The following ADCY6 variants were observed in gnomAD, a reference collection of about 807,000 sequenced individuals.
The protein encoded by ADCY6 is adenylate cyclase type 6.
ADCY6 carries 59 observed loss-of-function variants against 111.6 expected under a neutral mutation model. That is an observed-to-expected ratio of 0.53 (90% CI 0.43 to 0.66). The LOEUF is 0.66. Among genes scored for constraint, ADCY6 ranks in the 30% least tolerant of loss-of-function variants. The pLI, the probability that ADCY6 is intolerant of heterozygous loss-of-function variation, is 0.00. For synonymous variants in ADCY6, 576 were observed against 642.9 expected (o/e 0.90, Z 1.57); for missense variants, 1,242 against 1,595.6 (o/e 0.78, Z 3.78).
chr12:48,775,847 C>T, intron 9 of ADCY6, 116 bp downstream of exon 9: 2 of 1,520,268 alleles, frequency 1.3e-6, no homozygotes, highest in Non-Finnish European at 1.8e-6. Context: ...TCTCACTGCC[C>T]CAATACCAGA....
At chr12:48,787,102 T>A (rs530024551) in intron 1 of ADCY6, among the ~76,000 whole-genome samples, 1 of 152,192 alleles carries the variant, frequency 6.6e-6, no homozygotes, top group Non-Finnish European at 1.5e-5. Flanking sequence ...GTTCTATCAG[T>A]CCCTGTGTCC....
Position 48,771,839 on chromosome 12 carries a change from C to A in ADCY6, c.2922G>T (p.Ser974=). The change falls in exon 19 of 22, where the codon TCG becomes TCT. Residue 974 remains serine, a synonymous_variant. Coordinates refer to ENST00000357869, the MANE Select transcript of ADCY6 (RefSeq NM_015270.5). The surrounding 1 kb of genome is among the most constrained non-coding windows in gnomAD (Gnocchi z 4.3). ...ERRNDELYYQ[S]CECVAVMFAS... ...CAAACATAACAGCCACACACTCACA[C>A]GACTGATAGTAGAGTTCATCATTGC... 6.2e-7 allele frequency: 1 copy of A among 1,614,202 alleles called. No homozygotes were observed. Among genetic ancestry groups the A allele is most frequent in the Non-Finnish European group, 8.5e-7 (1 of 1,180,042 alleles).
chr12:48,772,678 CATTA>C (rs1941583068), intron 16 of ADCY6, 135 bp from the exon 17 acceptor site: 3 of 965,176 alleles, frequency 3.1e-6, no homozygotes, highest in Admixed American at 2.5e-5. Context: ...CTTTTACTTA[CATTA>C]ATTAACTCAT....
At position 48,783,180 on chromosome 12, in the gene ADCY6, C is replaced by T. The variant is rs1430030899; in HGVS notation, c.255G>A (p.Arg85=). 2 of 1,606,922 alleles carry T rather than the reference C, an allele frequency of 1.2e-6. No individual in the cohort carries two copies. Among genetic ancestry groups the T allele is most frequent in the East Asian group, 2.2e-5 (1 of 44,868 alleles). ...TATCCTCGAAGCCCAGGGCCACTGC[C>T]CGCAGCCCCAGCTCCTTGCCCTTGC... The part of the protein sequence containing the change: ...GPGKGKELGL[R]AVALGFEDTE... The change falls in exon 2 of 22, where the codon CGG becomes CGA. Residue 85 remains arginine, a synonymous_variant. Transcript: ENST00000357869.
Position 48,773,527 on chromosome 12 carries a change from G to A in ADCY6, c.2563C>T (p.Leu855=). ...LGLIYLVLLL[L]GPPATIFDNY... is the part of the protein sequence containing the mutation. ...TCAAAGATGGTGGCTGGGGGACCCAGCAGAAGCAGCACCAAATAGATGAGC... is the reference window on the plus strand; with the variant it reads ...TCAAAGATGGTGGCTGGGGGACCCAACAGAAGCAGCACCAAATAGATGAGC... Residue 855 remains leucine (L), a synonymous_variant, in exon 16 of 22, where the codon CTG becomes TTG. Coordinates refer to ENST00000357869, the MANE Select transcript of ADCY6 (RefSeq NM_015270.5). 2 of 1,614,108 alleles carry A rather than the reference G, an allele frequency of 1.2e-6. No individual in the cohort carries two copies. Among genetic ancestry groups the A allele is most frequent in the Non-Finnish European group, 1.7e-6 (2 of 1,180,000 alleles).
Position 48,771,904 on chromosome 12 carries a change from G to A in ADCY6, c.2857C>T (p.Pro953Ser). The change falls in exon 19 of 22, where the codon CCC becomes TCC. Residue 953 changes from proline to serine, a missense_variant. Coordinates refer to ENST00000357869, the MANE Select transcript of ADCY6 (RefSeq NM_015270.5). This position sits in a 1 kb window ranked among gnomAD's most constrained non-coding sequence, Gnocchi z 4.3. ...AGGAAGTGGGCCGCCACGTCCTTGG[G>A]CAGAATGTTATGCAGCAGCCTCCGG... is the stretch of plus-strand genomic sequence containing the variant. The part of the protein sequence containing the change: ...YNRRLLHNIL[P>S]KDVAAHFLAR... 6.2e-7 allele frequency: 1 copy of A among 1,614,184 alleles called. No homozygotes were observed.
In ADCY6 at chr12:48,771,085, C is replaced by T; in HGVS notation, c.3052-115G>A. On this transcript the variant is annotated intron_variant, in intron 19 of 21. Transcript: ENST00000357869. This position sits in a 1 kb window ranked among gnomAD's most constrained non-coding sequence, Gnocchi z 4.3. ...CTTCCCCACTTCCCTGTCTCAAGAGCCCCCTTCCAGCTGCTGCTATCAGTG... is the reference window on the plus strand; with the variant it reads ...CTTCCCCACTTCCCTGTCTCAAGAGTCCCCTTCCAGCTGCTGCTATCAGTG... The T allele has an allele frequency of 9.6e-7, 1 of 1,037,556 alleles. No homozygotes were observed. Among genetic ancestry groups the T allele is most frequent in the Non-Finnish European group, 1.4e-6 (1 of 709,272 alleles). 64.3% of individuals were successfully genotyped at this position (1,037,556 alleles called of 1,614,324 possible). A position where few individuals can be genotyped will look rare whatever the true frequency, so the allele number is the denominator to read the frequency against.
Position 48,774,581 on chromosome 12 carries a change from G to T in ADCY6, c.2167-63C>A, listed in dbSNP as rs115470130. Reference sequence around the variant, plus strand: ...CAGCCAAGGAGGAATGGCAACCAGGGATGGGGCCCAGTGGAAGAGGCATGG... The same window carrying T: ...CAGCCAAGGAGGAATGGCAACCAGGTATGGGGCCCAGTGGAAGAGGCATGG... On this transcript the variant is annotated intron_variant, in intron 13 of 21. Transcript: ENST00000357869. The T allele has an allele frequency of 6.8e-4, 1,076 of 1,577,934 alleles. 6 individuals carry two copies. In the African/African-American group the frequency reaches 0.013, roughly 19 times the overall value.
chr12:48,785,338 G>A (rs1050105592), intron 1 of ADCY6, among the ~76,000 whole-genome samples: 9 of 152,208 alleles, frequency 5.9e-5, no homozygotes, highest in Admixed American at 5.2e-4. Flanking sequence ...TGTTCATTGA[G>A]GCCAGGTATG....
In ADCY6 at chr12:48,768,696, C is replaced by A. The variant is rs1180856600; in HGVS notation, c.3402G>T (p.Gln1134His). ...GCTGGTAGCCCTTGGCAGCTAGAAC[C>A]TGGTACAGGTCCGTGGTCACCTGGG... is the stretch of plus-strand genomic sequence containing the variant. Reference protein sequence around the residue: ...DRIQVTTDLYQVLAAKGYQLE... With the variant: ...DRIQVTTDLYHVLAAKGYQLE... Residue 1134 changes from glutamine to histidine, a missense_variant, in exon 22 of 22, where the codon CAG (glutamine) becomes CAT (histidine). Transcript: ENST00000357869. 1 of 1,614,070 alleles carries A rather than the reference C, an allele frequency of 6.2e-7. No individual in the cohort carries two copies. The highest frequency in any genetic ancestry group is 8.5e-7 in the Non-Finnish European group (1 of 1,180,024).
At chr12:48,778,931 T>C (rs928996492) in intron 2 of ADCY6, among the ~76,000 whole-genome samples, 2 of 130,010 alleles carry the variant, frequency 1.5e-5, no homozygotes, top group Non-Finnish European at 3.1e-5. Flanking sequence ...CAGACTGGAG[T>C]GCAGTGGCCT....
chr12:48,773,401 A>G, intron 16 of ADCY6, 68 bp downstream of exon 16: 1 of 1,534,346 alleles, frequency 6.5e-7, no homozygotes. Flanking sequence ...GGCACCAGAG[A>G]GGCTCACAGT....
Position 48,776,458 on chromosome 12 carries a change from G to T in ADCY6, c.1505C>A (p.Ala502Asp). 6.2e-7 allele frequency: 1 copy of T among 1,613,740 alleles called. No individual in the cohort carries two copies. The highest frequency in any genetic ancestry group is 1.6e-4 in the Middle Eastern group (1 of 6,062). Residue 502 changes from alanine (A) to aspartate (D), a missense_variant, in exon 7 of 22, where the codon GCC becomes GAC. Coordinates refer to ENST00000357869, the MANE Select transcript of ADCY6 (RefSeq NM_015270.5). The surrounding 1 kb of genome is among the most constrained non-coding windows in gnomAD (Gnocchi z 6.1). Reference sequence around the variant, plus strand: ...CCGGCCTCCTGCCTCCATGTGGTTGGCCAGGGTCACATCATTGGACCACAC... The same window carrying T: ...CCGGCCTCCTGCCTCCATGTGGTTGTCCAGGGTCACATCATTGGACCACAC... ...FDVWSNDVTL[A>D]NHMEAGGRAG...
intron 1 of ADCY6, among the ~76,000 whole-genome samples, chr12:48,787,640 T>C (rs1942003993): frequency 6.6e-6 from 1 of 152,166 alleles, no homozygotes; most frequent in South Asian, 2.1e-4. Context: ...AACCCATCAC[T>C]ATGAGCCCTG....
rs778078768 is a variant in ADCY6, at chr12:48,771,549, C to T, written c.3051+161G>A. On this transcript the variant is annotated intron_variant, in intron 19 of 21. Coordinates refer to ENST00000357869, the MANE Select transcript of ADCY6 (RefSeq NM_015270.5). The surrounding 1 kb of genome is among the most constrained non-coding windows in gnomAD (Gnocchi z 4.3). ...ACCCCCTTGCTGCCTCTGACACCTT[C>T]ATGGGTTCTTGCCTCTGCCTCCACT... is the stretch of plus-strand genomic sequence containing the variant. 8 of 1,196,918 alleles carry T rather than the reference C, an allele frequency of 6.7e-6. No individual in the cohort carries two copies. Among genetic ancestry groups the T allele is most frequent in the Admixed American group, 1.8e-5 (1 of 54,476 alleles). The allele number at this position is 1,196,918 out of a possible 1,614,324, so 74.1% of individuals were successfully genotyped here.
chr12:48,783,523 G>C (rs774137961), intron 1 of ADCY6, 85 bp from the exon 2 acceptor site: 7 of 1,590,810 alleles, frequency 4.4e-6, no homozygotes, highest in Non-Finnish European at 6.0e-6. Context: ...GCCACCACTA[G>C]TAGCTCATTA....
rs1941556723 is a variant in ADCY6, at chr12:48,771,899, C to T, written c.2862G>A (p.Lys954=). The change falls in exon 19 of 22, where the codon AAG becomes AAA. Residue 954 remains lysine (K), a synonymous_variant. Coordinates refer to ENST00000357869, the MANE Select transcript of ADCY6 (RefSeq NM_015270.5). The surrounding 1 kb of genome is among the most constrained non-coding windows in gnomAD (Gnocchi z 4.3). ...NRRLLHNILP[K]DVAAHFLARE... ...GGGCCAGGAAGTGGGCCGCCACGTC[C>T]TTGGGCAGAATGTTATGCAGCAGCC... 1 of 1,614,214 alleles carries T rather than the reference C, an allele frequency of 6.2e-7. No individual in the cohort carries two copies. Among genetic ancestry groups the T allele is most frequent in the Non-Finnish European group, 8.5e-7 (1 of 1,180,052 alleles).
rs1394000058 is a variant in ADCY6, at chr12:48,782,485, G to T, written c.864+86C>A. ...CCCAGCTTCCACCCATGACTCACCC[G>T]CCCTTCCTCACTAAGCCCCCACCTG... On this transcript the variant is annotated intron_variant, in intron 2 of 21. Coordinates refer to ENST00000357869, the MANE Select transcript of ADCY6 (RefSeq NM_015270.5). The surrounding 1 kb of genome is among the most constrained non-coding windows in gnomAD (Gnocchi z 4.3). 2 of 1,496,564 alleles carry T rather than the reference G, an allele frequency of 1.3e-6. No individual in the cohort carries two copies. The highest frequency in any genetic ancestry group is 1.8e-6 in the Non-Finnish European group (2 of 1,121,806). 92.7% of individuals were successfully genotyped at this position (1,496,564 alleles called of 1,614,324 possible).
chr12:48,768,857 T>C (rs533498417), intron 21 of ADCY6, 80 bp downstream of exon 21: 4 of 1,552,206 alleles, frequency 2.6e-6, no homozygotes, highest in African/African-American at 2.7e-5. Context: ...ACCCTACCCC[T>C]GTCCTAGCAG....
Sources: allele counts gnomAD v4.1 joint callset (sites outside exome capture counted in the v4.1 genomes callset), GRCh38; gene constraint gnomAD v4.1.1; non-coding constraint Gnocchi (gnomAD v3.1); transcripts MANE v1.5; gene names NCBI Gene and HGNC (gene_info 2026-07-23, HGNC 2026-07-21).